ATP13A5: variants seen among roughly 807,000 people sequenced by gnomAD.
The protein encoded by ATP13A5 is ATPase 13A5.
In ATP13A5, 149 loss-of-function variants were observed where a neutral mutation model predicts 150.2. The observed-to-expected ratio is 0.99, with a 90% CI of 0.87 to 1.14. ATP13A5 has a LOEUF of 1.14. Ranked by LOEUF, ATP13A5 falls within the 50% of genes most tolerant of loss-of-function variation. The pLI is 0.00. For missense variants in ATP13A5, 1,383 were observed against 1,449.3 expected, an observed-to-expected ratio of 0.95 and a Z score of 0.74; for synonymous variants, 497 against 522.2, an observed-to-expected ratio of 0.95 and a Z score of 0.66.
At chr3:193,354,896 G>A (rs886797990) in intron 5 of ATP13A5, among the ~76,000 whole-genome samples, 27 of 150,276 alleles carry the variant, frequency 1.8e-4, no homozygotes, top group African/African-American at 6.4e-4. Flanking sequence ...AGTGCGGCAT[G>A]TAGCCAAAAT....
At chr3:193,320,819 G>T (rs768069293) in intron 16 of ATP13A5, among the ~76,000 whole-genome samples, 17 of 152,136 alleles carry the variant, frequency 1.1e-4, no homozygotes, top group African/African-American at 3.6e-4. Flanking sequence ...TCTGGCTGCC[G>T]CTTAAAGAGT....
rs12636830 is a variant in ATP13A5 at position 193,362,555 on chromosome 3, C to T, written c.455+12G>A. On this transcript the variant is annotated intron_variant, in intron 4 of 29. Coordinates refer to ENST00000342358, the MANE Select transcript of ATP13A5 (RefSeq NM_198505.4). Reference sequence around the variant, plus strand: ...ATATCCTGACCAAGGGGTGACAAAACATTGTACTTACCCAACTTTCTGAAA... The same window carrying T: ...ATATCCTGACCAAGGGGTGACAAAATATTGTACTTACCCAACTTTCTGAAA... 697,099 of 1,612,964 alleles carry T rather than the reference C, an allele frequency of 0.43. 153,310 individuals are homozygous for T. The highest frequency in any genetic ancestry group is 0.54 in the East Asian group (24,279 of 44,854).
At chr3:193,337,768 GA>G (rs1431650113) in intron 9 of ATP13A5, among the ~76,000 whole-genome samples, 1 of 152,184 alleles carries the variant, frequency 6.6e-6, no homozygotes, top group Non-Finnish European at 1.5e-5. Context: ...ATTCTGTGTA[GA>G]AAGTCATTGG....
rs74371245 is a variant in ATP13A5 at position 193,319,105 on chromosome 3, G to A, written c.1919C>T (p.Pro640Leu). The change falls in exon 17 of 30, where the codon CCC becomes CTC. Residue 640 changes from proline (P) to leucine (L), a missense_variant. Transcript: ENST00000342358. ...VARFCRSETV[P>L]KNFPQELRSY... Reference sequence around the variant, plus strand: ...CCTCAGTTCCTGTGGGAAATTCTTGGGCACTGCCAGGGTAGAAGAAACAGG... The same window carrying A: ...CCTCAGTTCCTGTGGGAAATTCTTGAGCACTGCCAGGGTAGAAGAAACAGG... 4.2e-3 allele frequency: 6,727 copies of A among 1,612,560 alleles called. 19 individuals carry two copies. The highest frequency in any genetic ancestry group is 4.5e-3 in the Non-Finnish European group (5,340 of 1,178,734).
chr3:193,327,085 C>A (rs756346327), intron 12 of ATP13A5, 28 bp from the exon 13 acceptor site: 1 of 1,582,690 alleles, frequency 6.3e-7, no homozygotes, highest in South Asian at 1.2e-5. Flanking sequence ...GCAATATTAG[C>A]ATAAGATTTA....
At chr3:193,335,129 T>G (rs368351613) in intron 9 of ATP13A5, 30 bp from the exon 10 acceptor site, 1 of 1,608,730 alleles carries the variant, frequency 6.2e-7, no homozygotes, top group South Asian at 1.1e-5. Flanking sequence ...GTTGAATCTA[T>G]GTAAGCTCAG....
chr3:193,321,082 C>G (rs916831299), intron 16 of ATP13A5, among the ~76,000 whole-genome samples: 1 of 152,168 alleles, frequency 6.6e-6, no homozygotes, highest in Admixed American at 6.5e-5. Context: ...TCACACCTCC[C>G]CTAGTTCTCT....
At chr3:193,336,922 T>C (rs1711892847) in intron 9 of ATP13A5, among the ~76,000 whole-genome samples, 1 of 152,140 alleles carries the variant, frequency 6.6e-6, no homozygotes, top group Admixed American at 6.5e-5. Flanking sequence ...TTTTAATGAT[T>C]GCCATTCTAA....
chr3:193,323,188 T>G (rs1196525671), intron 14 of ATP13A5: 1 of 152,240 alleles, frequency 6.6e-6, no homozygotes, highest in Non-Finnish European at 1.5e-5. Context: ...AGATAGTATC[T>G]GGTTTCCACT....
At position 193,305,620 on chromosome 3, in the gene ATP13A5, A is replaced by G. The variant is rs765919318; in HGVS notation, c.2617T>C (p.Ser873Pro). Residue 873 changes from serine (S) to proline (P), a missense_variant, in exon 23 of 30, where the codon TCT becomes CCT. Physicochemically the swap from Ser to Pro is moderately conservative, Grantham distance 74. Transcript: ENST00000342358. The part of the protein sequence containing the change: ...AGISLSEQEA[S>P]VASPFTSKTT... ...TTAGAGGTAAAAGGGGATGCCACAGATGCTTCCTGCTCTGATAATGAAATG... is the reference window on the plus strand; with the variant it reads ...TTAGAGGTAAAAGGGGATGCCACAGGTGCTTCCTGCTCTGATAATGAAATG... 1 of 1,613,948 alleles carries G rather than the reference A, an allele frequency of 6.2e-7. No homozygotes were observed. Among genetic ancestry groups the G allele is most frequent in the Non-Finnish European group, 8.5e-7 (1 of 1,179,906 alleles).
At chr3:193,373,803 G>C (rs1213941086) in intron 1 of ATP13A5, among the ~76,000 whole-genome samples, 1 of 152,198 alleles carries the variant, frequency 6.6e-6, no homozygotes, top group Non-Finnish European at 1.5e-5. Flanking sequence ...GCCCAGGTTT[G>C]CTCTCTCAGA....
chr3:193,286,050 G>A (rs570993979), intron 26 of ATP13A5, among the ~76,000 whole-genome samples: 1 of 152,056 alleles, frequency 6.6e-6, no homozygotes, highest in South Asian at 2.1e-4. Context: ...AGCAAAGTGA[G>A]GTCACATAAT....
chr3:193,290,503 T>TA (rs371692103), intron 25 of ATP13A5, among the ~76,000 whole-genome samples: 14 of 151,656 alleles, frequency 9.2e-5, no homozygotes, highest in Admixed American at 2.0e-4. Flanking sequence ...CTGGATAATT[T>TA]AAAAAAAACA....
At chr3:193,321,659 T>C in intron 16 of ATP13A5, 22 bp downstream of exon 16, 12 of 1,610,794 alleles carry the variant, frequency 7.4e-6, no homozygotes, top group Non-Finnish European at 1.0e-5. Flanking sequence ...TTTTACTTCT[T>C]GAAAGAGAAA....
intron 7 of ATP13A5, among the ~76,000 whole-genome samples, chr3:193,346,221 G>A (rs1308041688): frequency 6.6e-6 from 1 of 152,110 alleles, no homozygotes; most frequent in Non-Finnish European, 1.5e-5. Flanking sequence ...GAGTGTTAGT[G>A]ATTCATAAGA....
intron 9 of ATP13A5, among the ~76,000 whole-genome samples, chr3:193,336,116 T>C (rs937718281): frequency 3.9e-5 from 6 of 152,214 alleles, no homozygotes; most frequent in African/African-American, 7.2e-5. Flanking sequence ...ATCATAGTTA[T>C]ACAAATTTAG....
At chr3:193,335,198 C>A in intron 9 of ATP13A5, 99 bp from the exon 10 acceptor site, 1 of 1,132,602 alleles carries the variant, frequency 8.8e-7, no homozygotes. Flanking sequence ...CACAACTAAT[C>A]CGGTCTTAAT....
At chr3:193,298,976 C>T (rs115110943) in intron 25 of ATP13A5, among the ~76,000 whole-genome samples, 155 bp downstream of exon 25, 142 of 152,242 alleles carry the variant, frequency 9.3e-4, no homozygotes, top group African/African-American at 3.2e-3. Context: ...GATTTCAACT[C>T]TCAACTTACT....
At chr3:193,332,387 C>T (rs1711667306) in intron 11 of ATP13A5, among the ~76,000 whole-genome samples, 1 of 152,156 alleles carries the variant, frequency 6.6e-6, no homozygotes, top group Non-Finnish European at 1.5e-5. Flanking sequence ...CAGACTAATA[C>T]AGCAGGTCTC....
Sources: gnomAD v4.1 joint callset for allele counts (sites outside exome capture counted in the v4.1 genomes callset) on GRCh38, gnomAD v4.1.1 for gene constraint, MANE v1.5 for transcripts, NCBI Gene and HGNC (gene_info 2026-07-23, HGNC 2026-07-21) for gene names.